PACSIN2: variants seen among roughly 807,000 people sequenced by gnomAD.
PACSIN2 encodes the protein protein kinase C and casein kinase substrate in neurons protein 2.
Under a neutral mutation model 63.8 loss-of-function variants are expected in PACSIN2, and 25 were observed. The ratio of observed to expected loss-of-function variants is 0.39; its 90% CI spans 0.29 to 0.55. The LOEUF is 0.55. Among genes scored for constraint, PACSIN2 ranks in the 20% least tolerant of loss-of-function variants. The pLI, the probability that PACSIN2 is intolerant of heterozygous loss-of-function variation, is 0.62. For missense variants in PACSIN2, 518 were observed against 646.9 expected (o/e 0.80, Z 2.16); for synonymous variants, 255 against 256.2 (o/e 1.00, Z 0.05).
chr22:42,994,087 C>T (rs1214166589), intron 1 of PACSIN2, among the ~76,000 whole-genome samples: 1 of 152,168 alleles, frequency 6.6e-6, no homozygotes, highest in Non-Finnish European at 1.5e-5. Context: ...AAGAAGACCA[C>T]GATGTAGACT....
At chr22:42,925,139 C>T (rs1932456037) in intron 1 of PACSIN2, among the ~76,000 whole-genome samples, 1 of 151,734 alleles carries the variant, frequency 6.6e-6, no homozygotes, top group Admixed American at 6.6e-5. Flanking sequence ...TAACGAGCTA[C>T]ATAATTTACT....
At chr22:42,964,820 T>C (rs1173485000) in intron 1 of PACSIN2, among the ~76,000 whole-genome samples, 2 of 151,842 alleles carry the variant, frequency 1.3e-5, no homozygotes. Context: ...AACACCGAGA[T>C]CCTACAGGCT....
intron 1 of PACSIN2, among the ~76,000 whole-genome samples, chr22:42,928,767 A>G (rs954902505): frequency 6.6e-6 from 1 of 152,228 alleles, no homozygotes; most frequent in Non-Finnish European, 1.5e-5. Flanking sequence ...AAACAAAATC[A>G]ATAAAGCTAC....
chr22:42,888,198 T>C (rs1447448422), intron 5 of PACSIN2, among the ~76,000 whole-genome samples: 2 of 152,216 alleles, frequency 1.3e-5, no homozygotes, highest in East Asian at 3.8e-4. Context: ...TCAGCCTGGC[T>C]GTCCAGGCCA....
Position 42,912,052 on chromosome 22 carries a change from C to G in PACSIN2, c.29G>C (p.Gly10Ala). The G allele has an allele frequency of 6.2e-7, 1 of 1,604,616 alleles. No homozygotes were observed. The highest frequency in any genetic ancestry group is 1.7e-4 in the Middle Eastern group (1 of 6,040). Reference sequence around the variant, plus strand: ...GAAGCTGTCGCTGGACACTTCTACTCCAACGGAATCATCATATGTGACAGA... The same window carrying G: ...GAAGCTGTCGCTGGACACTTCTACTGCAACGGAATCATCATATGTGACAGA... The part of the protein sequence containing the change: MSVTYDDSV[G>A]VEVSSDSFWE... The change falls in exon 2 of 11, where the codon GGA (glycine) becomes GCA (alanine). Residue 10 changes from glycine to alanine, a missense_variant. By Grantham distance (60) the Gly-to-Ala change is moderately conservative. Coordinates refer to ENST00000263246, the MANE Select transcript of PACSIN2 (RefSeq NM_001184970.3).
chr22:42,916,422 G>A (rs1271517933), intron 1 of PACSIN2, among the ~76,000 whole-genome samples: 3 of 149,092 alleles, frequency 2.0e-5, no homozygotes, highest in Non-Finnish European at 4.5e-5. Flanking sequence ...GATGGGGGGT[G>A]GGGAAGGGGG....
At chr22:42,888,927 A>G in intron 4 of PACSIN2, 129 bp from the exon 5 acceptor site, 1 of 836,144 alleles carries the variant, frequency 1.2e-6, no homozygotes, top group South Asian at 1.5e-5. Context: ...AATTGTATGT[A>G]TACTATCATA....
At chr22:42,950,890 G>A (rs980261941) in intron 1 of PACSIN2, among the ~76,000 whole-genome samples, 1 of 152,110 alleles carries the variant, frequency 6.6e-6, no homozygotes, top group Non-Finnish European at 1.5e-5. Context: ...TAGGGGTCAG[G>A]GGATTTCAAA....
At chr22:42,950,148 T>C (rs1356768197) in intron 1 of PACSIN2, among the ~76,000 whole-genome samples, 1 of 152,178 alleles carries the variant, frequency 6.6e-6, no homozygotes, top group Non-Finnish European at 1.5e-5. Flanking sequence ...TTGTCATTAT[T>C]CCCTAAACAA....
At chr22:42,890,878 G>A in intron 4 of PACSIN2, 69 bp downstream of exon 4, 1 of 1,262,142 alleles carries the variant, frequency 7.9e-7, no homozygotes, top group Non-Finnish European at 1.1e-6. Flanking sequence ...CTAGGTGCAG[G>A]AGGTGGTGCT....
chr22:42,981,196 AGCGTCTCTGCCCGGCC>A lies in PACSIN2; in HGVS notation c.-78+33809_-78+33824del, dbSNP rs1386812257. On this transcript the variant is annotated intron_variant, in intron 1 of 10. Coordinates refer to ENST00000263246, the MANE Select transcript of PACSIN2 (RefSeq NM_001184970.3). Reference sequence around the variant, plus strand: ...CCGCAACCCTGTCTGGGAGGTGAGGAGCGTCTCTGCCCGGCCGCTCCGTCTGAGAAGTGAGGAAACC... The same window carrying A: ...CCGCAACCCTGTCTGGGAGGTGAGGAGCTCCGTCTGAGAAGTGAGGAAACC... 3.7e-3 allele frequency among the ~76,000 whole-genome samples: 452 copies of A among 121,164 alleles called. 1 individual carries two copies. Among genetic ancestry groups the A allele is most frequent in the African/African-American group, 0.015 (430 of 29,342 alleles). The allele number at this position is 121,164 out of a possible 152,430, so 79.5% of individuals were successfully genotyped here.
intron 2 of PACSIN2, among the ~76,000 whole-genome samples, chr22:42,899,310 G>A (rs1470579862): frequency 1.3e-5 from 2 of 151,880 alleles, no homozygotes; most frequent in East Asian, 1.9e-4. Flanking sequence ...TTTTTGAGAC[G>A]GAGTCTAGCT....
intron 1 of PACSIN2, among the ~76,000 whole-genome samples, chr22:42,949,943 T>C (rs1933606958): frequency 6.6e-6 from 1 of 152,224 alleles, no homozygotes. Flanking sequence ...GAAACCTTGC[T>C]AAGAGCTAGG....
intron 1 of PACSIN2, chr22:42,993,889 C>G (rs1425935709): frequency 6.6e-6 from 1 of 152,232 alleles, no homozygotes; most frequent in African/African-American, 2.4e-5. Flanking sequence ...CCAAAAGGTT[C>G]CTGAAGCACT....
intron 2 of PACSIN2, among the ~76,000 whole-genome samples, chr22:42,896,693 G>T (rs1344532782): frequency 6.6e-5 from 10 of 152,176 alleles, no homozygotes; most frequent in Admixed American, 6.5e-4. Flanking sequence ...CTGCCGAACT[G>T]CTACCCAAAG....
intron 1 of PACSIN2, among the ~76,000 whole-genome samples, chr22:42,953,796 C>T (rs947158246): frequency 5.3e-5 from 8 of 152,116 alleles, no homozygotes; most frequent in African/African-American, 1.2e-4. Flanking sequence ...TATGATGTCT[C>T]GACACACGAT....
At chr22:42,923,584 T>C (rs1341664980) in intron 1 of PACSIN2, among the ~76,000 whole-genome samples, 12 of 152,088 alleles carry the variant, frequency 7.9e-5, no homozygotes, top group Admixed American at 3.3e-4. Flanking sequence ...CCCGCCACCA[T>C]GCCTGGCTAA....
intron 8 of PACSIN2, among the ~76,000 whole-genome samples, chr22:42,877,655 G>C (rs1344196596): frequency 6.6e-6 from 1 of 152,208 alleles, no homozygotes; most frequent in East Asian, 1.9e-4. Flanking sequence ...GCCCAGTGTG[G>C]GAACCAGAGA....
chr22:42,925,121 C>A lies in PACSIN2; in HGVS notation c.-77-12964G>T, dbSNP rs576655362. 1.4e-4 allele frequency among the ~76,000 whole-genome samples: 22 copies of A among 151,978 alleles called. No homozygotes were observed. The East Asian group carries it at 4.3e-3, about 30-fold the overall frequency. ...TTTATTTTTCTCTCCCAAGCACTTA[C>A]CACCTCCTAACGAGCTACATAATTT... On this transcript the variant is annotated intron_variant, in intron 1 of 10. Coordinates refer to ENST00000263246, the MANE Select transcript of PACSIN2 (RefSeq NM_001184970.3).
Sources: allele counts gnomAD v4.1 joint callset (sites outside exome capture counted in the v4.1 genomes callset), GRCh38; gene constraint gnomAD v4.1.1; transcripts MANE v1.5; gene names NCBI Gene and HGNC (gene_info 2026-07-23, HGNC 2026-07-21).